The following HPS1 variants were observed in gnomAD, a reference collection of about 807,000 sequenced individuals.
The protein encoded by HPS1 is HPS1 biogenesis of lysosomal organelles complex 3 subunit 1.
A neutral mutation model predicts 90.6 loss-of-function variants in HPS1; 59 were observed. The observed-to-expected ratio is 0.65, with a 90% confidence interval of 0.53 to 0.81. The LOEUF (loss-of-function observed/expected upper bound fraction) is 0.81. HPS1 is among the 30% of genes least tolerant of loss of function. The pLI, the probability that HPS1 is intolerant of heterozygous loss-of-function variation, is 0.00. For missense variants in HPS1, 849 were observed against 896.7 expected (o/e 0.95, Z 0.68); for synonymous variants, 388 against 384.4 (o/e 1.01, Z -0.11).
rs571440473 is a variant in HPS1, at chr10:98,433,016, G to C, written c.507+967C>G. On this transcript the variant is annotated intron_variant, in intron 6 of 19. Coordinates refer to ENST00000361490, the MANE Select transcript of HPS1 (RefSeq NM_000195.5). ...TTGGGAGGCCGAGTGGGCAGATCAT[G>C]AGGTCAGGAGTTCGAGACCAGCCTG... Among the ~76,000 whole-genome samples, 77 of 152,248 alleles carry C rather than the reference G, an allele frequency of 5.1e-4. No homozygotes were observed. The South Asian group carries it at 0.016, about 31-fold the overall frequency.
intron 3 of HPS1, among the ~76,000 whole-genome samples, chr10:98,439,582 C>G (rs1424860164): frequency 6.6e-6 from 1 of 152,194 alleles, no homozygotes; most frequent in Non-Finnish European, 1.5e-5. Flanking sequence ...GCCTATACCC[C>G]CATTGTGTCT....
At chr10:98,427,672 G>A (rs1336028125) in intron 10 of HPS1, among the ~76,000 whole-genome samples, 2 of 150,602 alleles carry the variant, frequency 1.3e-5, no homozygotes, top group Admixed American at 6.6e-5. Flanking sequence ...CACAGTCCAC[G>A]TTTGCCCATT....
chr10:98,427,500 C>G (rs1415227193), intron 10 of HPS1, among the ~76,000 whole-genome samples: 1 of 152,216 alleles, frequency 6.6e-6, no homozygotes, highest in Non-Finnish European at 1.5e-5. Context: ...GAAGCTGCCC[C>G]CAGAGCCAGC....
intron 3 of HPS1, among the ~76,000 whole-genome samples, chr10:98,439,973 C>T (rs1591143298): frequency 6.6e-6 from 1 of 152,168 alleles, no homozygotes; most frequent in Non-Finnish European, 1.5e-5. Flanking sequence ...GGCTCTTTCC[C>T]CTTCACTCAG....
At chr10:98,426,136 C>A in intron 11 of HPS1, 151 bp from the exon 12 acceptor site, 1 of 679,668 alleles carries the variant, frequency 1.5e-6, no homozygotes, top group Non-Finnish European at 2.5e-6. Flanking sequence ...CCTGCCCTCG[C>A]AGCTCCAGTT....
chr10:98,441,889 A>G (rs994606986), intron 3 of HPS1, among the ~76,000 whole-genome samples: 5 of 152,166 alleles, frequency 3.3e-5, no homozygotes, highest in South Asian at 2.1e-4. Flanking sequence ...GTGGAATCAA[A>G]AATTACACAA....
At chr10:98,429,398 G>T (rs146606153) in intron 10 of HPS1, 175 bp downstream of exon 10, 1 of 1,534,678 alleles carries the variant, frequency 6.5e-7, no homozygotes, top group East Asian at 2.4e-5. Flanking sequence ...AGTTCAGGCT[G>T]GAGCTGGCAG....
Position 98,430,608 on chromosome 10 carries a change from A to G in HPS1, c.731T>C (p.Leu244Pro), listed in dbSNP as rs1001360428. The G allele has an allele frequency of 1.6e-5, 25 of 1,555,918 alleles. No homozygotes were observed. The highest frequency in any genetic ancestry group is 2.0e-5 in the Non-Finnish European group (23 of 1,149,084). The change falls in exon 8 of 20, where the codon CTC (leucine) becomes CCC (proline). Residue 244 changes from leucine to proline, a missense_variant. Coordinates refer to ENST00000361490, the MANE Select transcript of HPS1 (RefSeq NM_000195.5). ...LLALILLVQD[L>P]YPSESTAEDD... ...CTCTGCTGTGCTCTCGCTGGGGTAG[A>G]GGTCCTGAACCAGGAGGATGAGGGC...
rs1939292860 is a variant in HPS1, at chr10:98,445,276, C to T, written c.-1+24G>A. On this transcript the variant is annotated intron_variant, in intron 2 of 19. Transcript: ENST00000361490. The surrounding 1 kb of genome is among the most constrained non-coding windows in gnomAD (Gnocchi z 4.5). ...GGATGCTGCCTGCCTCCCTGTCCTC[C>T]CCAGGTGGGGCAAGATCATCTACCT... is the stretch of plus-strand genomic sequence containing the variant. The T allele has an allele frequency of 6.5e-6, 1 of 152,680 alleles. No individual in the cohort carries two copies. Among genetic ancestry groups the T allele is most frequent in the South Asian group, 2.1e-4 (1 of 4,826 alleles). 9.5% of individuals were successfully genotyped at this position (152,680 alleles called of 1,614,324 possible).
At chr10:98,441,549 A>G (rs1591151315) in intron 3 of HPS1, among the ~76,000 whole-genome samples, 1 of 152,240 alleles carries the variant, frequency 6.6e-6, no homozygotes, top group East Asian at 1.9e-4. Context: ...TGCTCTTTGA[A>G]AGATACCATT....
chr10:98,438,931 C>T (rs982222676), intron 3 of HPS1, among the ~76,000 whole-genome samples: 76 of 152,282 alleles, frequency 5.0e-4, no homozygotes, highest in African/African-American at 1.8e-3. Flanking sequence ...ACTCTGGGGA[C>T]ATGGTGCCCT....
At chr10:98,415,085 G>T, downstream of HPS1, 1 of 1,614,060 alleles carries the variant, frequency 6.2e-7, no homozygotes, top group Non-Finnish European at 8.5e-7. Flanking sequence ...TCCACGCCGG[G>T]AAGGGAGAGG....
Position 98,435,710 on chromosome 10 carries a change from C to T in HPS1, c.180G>A (p.Thr60=), listed in dbSNP as rs201733027. Residue 60 remains threonine, a synonymous_variant, in exon 4 of 20, where the codon ACG becomes ACA. Transcript: ENST00000361490. This position sits in a 1 kb window ranked among gnomAD's most constrained non-coding sequence, Gnocchi z 4.3. The part of the protein sequence containing the change: ...LLAPVIISSM[T]MLEKLSDTYT... ...AGGTGTCCGAGAGCTTCTCCAGCAT[C>T]GTCATGGAGGAGATGATGACCGGGG... The T allele has an allele frequency of 5.0e-6, 8 of 1,613,878 alleles. No homozygotes were observed. In the African/African-American group the frequency reaches 6.7e-5, roughly 13 times the overall value.
At chr10:98,446,464 T>A (rs1939583328) in intron 1 of HPS1, among the ~76,000 whole-genome samples, 1 of 152,236 alleles carries the variant, frequency 6.6e-6, no homozygotes, top group Admixed American at 6.5e-5. Context: ...CAAACCTCCC[T>A]GTGGCCCTTG....
intron 17 of HPS1, among the ~76,000 whole-genome samples, chr10:98,421,965 A>ACACACACACAG (rs1844906884): frequency 8.4e-6 from 1 of 118,694 alleles, no homozygotes; most frequent in Non-Finnish European, 1.7e-5. Context: ...GAAAGAAAAG[A>ACACACACACAG]ACACACACAC....
At position 98,435,917 on chromosome 10, in the gene HPS1, C is replaced by CA; in HGVS notation, c.118-146dup. 1 of 958,818 alleles carries CA rather than the reference C, an allele frequency of 1.0e-6. No homozygotes were observed. Among genetic ancestry groups the CA allele is most frequent in the East Asian group, 2.6e-5 (1 of 39,100 alleles). The allele number at this position is 958,818 out of a possible 1,614,324, so 59.4% of individuals were successfully genotyped here. A position where few individuals can be genotyped will look rare whatever the true frequency, so the allele number is the denominator to read the frequency against. On this transcript the variant is annotated intron_variant, in intron 3 of 19. Coordinates refer to ENST00000361490, the MANE Select transcript of HPS1 (RefSeq NM_000195.5). This position sits in a 1 kb window ranked among gnomAD's most constrained non-coding sequence, Gnocchi z 4.3. The stretch of plus-strand genomic sequence containing the variant: ...ATCACTGTCCTGGTAGGGAGGGGAG[C>CA]AAAAAGAGACTGTCCCCAACACTTC...
intron 15 of HPS1, 23 bp from the exon 16 acceptor site, chr10:98,423,691 C>A: frequency 6.2e-7 from 1 of 1,614,100 alleles, no homozygotes; most frequent in African/African-American, 1.3e-5. Context: ...GCTCGGGCTG[C>A]GTGAAGGAAG....
At position 98,435,692 on chromosome 10, in the gene HPS1, C is replaced by T. The variant is rs115265574; in HGVS notation, c.198G>A (p.Ser66=). The T allele has an allele frequency of 2.1e-4, 340 of 1,613,826 alleles. 2 individuals carry two copies. In the African/African-American group the frequency reaches 3.8e-3, roughly 18 times the overall value. ...CCGTGGAGAAGCAGGTGTAGGTGTC[C>T]GAGAGCTTCTCCAGCATCGTCATGG... The part of the protein sequence containing the change: ...ISSMTMLEKL[S]DTYTCFSTEN... Residue 66 remains serine (S), a synonymous_variant, in exon 4 of 20, where the codon TCG becomes TCA. Transcript: ENST00000361490. This position sits in a 1 kb window ranked among gnomAD's most constrained non-coding sequence, Gnocchi z 4.3.
At position 98,418,229 on chromosome 10, in the gene HPS1, G is replaced by C; in HGVS notation, c.1886C>G (p.Pro629Arg). The change falls in exon 19 of 20, where the codon CCC becomes CGC. Residue 629 changes from proline to arginine, a missense_variant. Physicochemically the swap from Pro to Arg is moderately radical, Grantham distance 103 (BLOSUM62 -2). Coordinates refer to ENST00000361490, the MANE Select transcript of HPS1 (RefSeq NM_000195.5). ...MGYKLQMIEVPVLSDDSVPIG... is the reference protein window; with the variant it reads ...MGYKLQMIEVRVLSDDSVPIG... ...AGGCACTGAGTCGTCGGAGAGGACGGGCACCTCGATCATCTGGAGTTTGTA... is the reference window on the plus strand; with the variant it reads ...AGGCACTGAGTCGTCGGAGAGGACGCGCACCTCGATCATCTGGAGTTTGTA... The C allele has an allele frequency of 6.2e-7, 1 of 1,610,284 alleles. No individual in the cohort carries two copies. The highest frequency in any genetic ancestry group is 8.5e-7 in the Non-Finnish European group (1 of 1,177,494).
Sources: allele counts gnomAD v4.1 joint callset (sites outside exome capture counted in the v4.1 genomes callset), GRCh38; gene constraint gnomAD v4.1.1; non-coding constraint Gnocchi (gnomAD v3.1); transcripts MANE v1.5; gene names NCBI Gene and HGNC (gene_info 2026-07-23, HGNC 2026-07-21).